LCN8: variants seen among roughly 807,000 people sequenced by gnomAD.
LCN8 encodes the protein lipocalin 8.
A neutral mutation model predicts 22.8 loss-of-function variants in LCN8; 16 were observed. That is an observed-to-expected ratio of 0.70 (90% CI 0.47 to 1.06). The LOEUF is 1.06. Ranked by LOEUF, LCN8 falls within the 50% of genes least tolerant of loss-of-function variation. The pLI, the probability that LCN8 is intolerant of heterozygous loss-of-function variation, is 0.00. For missense variants in LCN8, 189 were observed against 203.3 expected, an observed-to-expected ratio of 0.93 and a Z score of 0.43; for synonymous variants, 92 against 83.4, an observed-to-expected ratio of 1.10 and a Z score of -0.56.
Position 136,755,145 on chromosome 9 carries a change from A to T in LCN8, c.437T>A (p.Leu146His). Residue 146 changes from leucine to histidine, a missense_variant, in exon 6 of 7, where the codon CTC becomes CAC. Leu to His is a moderately conservative substitution (Grantham distance 99, BLOSUM62 -3). Coordinates refer to ENST00000371688, the MANE Select transcript of LCN8 (RefSeq NM_178469.4). ...LAARPGRCAE[L>H]LKEELI ...GGGGGTCAGGCTCACCTCCTTCAGG[A>T]GCTCGGCACACCGCCCTGCAGGATA... 1 of 1,586,764 alleles carries T rather than the reference A, an allele frequency of 6.3e-7. No individual in the cohort carries two copies. The highest frequency in any genetic ancestry group is 1.1e-5 in the South Asian group (1 of 87,878).
In LCN8 at chr9:136,756,688, C is replaced by A. The variant is rs779718128; in HGVS notation, c.156-96G>T. 21 of 1,540,090 alleles carry A rather than the reference C, an allele frequency of 1.4e-5. No homozygotes were observed. In the East Asian group the frequency reaches 4.8e-4, roughly 35 times the overall value. ...TGGGGCTGTGTCTTTAGGAAGGGCACAGGCAGCACTGTGGAGTATCCCAGG... is the reference window on the plus strand; with the variant it reads ...TGGGGCTGTGTCTTTAGGAAGGGCAAAGGCAGCACTGTGGAGTATCCCAGG... On this transcript the variant is annotated intron_variant, in intron 2 of 6. Coordinates refer to ENST00000371688, the MANE Select transcript of LCN8 (RefSeq NM_178469.4).
chr9:136,756,726 T>A, intron 2 of LCN8, 134 bp from the exon 3 acceptor site: 3 of 1,382,354 alleles, frequency 2.2e-6, no homozygotes, highest in East Asian at 4.7e-5. Context: ...TGGAGCAGGA[T>A]GAGGCGGGGA....
chr9:136,755,232 C>A lies in LCN8; in HGVS notation c.421+12G>T, dbSNP rs766253696. The A allele has an allele frequency of 8.1e-6, 13 of 1,612,564 alleles. No homozygotes were observed. The highest frequency in any genetic ancestry group is 2.7e-5 in the African/African-American group (2 of 74,948). Reference sequence around the variant, plus strand: ...CCCAGCCCAGCCTCCACCCCAAGGCCCCTGGGCTCACCAGGCCGGGCCGCC... The same window carrying A: ...CCCAGCCCAGCCTCCACCCCAAGGCACCTGGGCTCACCAGGCCGGGCCGCC... On this transcript the variant is annotated intron_variant, in intron 5 of 6. Coordinates refer to ENST00000371688, the MANE Select transcript of LCN8 (RefSeq NM_178469.4).
chr9:136,755,846 G>A, intron 3 of LCN8: 2 of 1,350,510 alleles, frequency 1.5e-6, no homozygotes, highest in Non-Finnish European at 1.9e-6. Flanking sequence ...AATGCATGGG[G>A]AACGGCACAG....
Position 136,757,099 on chromosome 9 carries a change from C to A in LCN8, c.94G>T (p.Val32Leu), listed in dbSNP as rs745380544. 2 of 1,613,616 alleles carry A rather than the reference C, an allele frequency of 1.2e-6. No individual in the cohort carries two copies. Among genetic ancestry groups the A allele is most frequent in the African/African-American group, 1.3e-5 (1 of 75,044 alleles). Residue 32 changes from valine to leucine, a missense_variant, in exon 2 of 7, where the codon GTG becomes TTG. Physicochemically the swap from Val to Leu is conservative, Grantham distance 32. Transcript: ENST00000371688. ...CTCAAGGTGAGGAACAAGCCCTCCA[C>A]CCGCTTCGGGGCCGTCAGCACCAGG... ...QSLVLTAPKR[V>L]EGLFLTLSGS...
chr9:136,758,303 G>A (rs1037443993), upstream of LCN8: 13 of 1,174,738 alleles, frequency 1.1e-5, no homozygotes, highest in African/African-American at 7.7e-5. Context: ...CCTGGGGCTC[G>A]GTGACCCCCA....
intron 1 of LCN8, 91 bp downstream of exon 1, chr9:136,757,816 C>G (rs568621235): frequency 6.2e-7 from 1 of 1,609,208 alleles, no homozygotes; most frequent in Non-Finnish European, 8.5e-7. Flanking sequence ...AGCGTCCCCA[C>G]GAGCTCCCCA....
intron 1 of LCN8, chr9:136,757,557 G>A: frequency 7.3e-7 from 1 of 1,378,164 alleles, no homozygotes; most frequent in South Asian, 1.6e-5. Context: ...CCAGAGAACA[G>A]GTGGCTCGGG....
In LCN8 at chr9:136,756,527, A is replaced by C; in HGVS notation, c.221T>G (p.Phe74Cys). The C allele has an allele frequency of 6.2e-7, 1 of 1,614,140 alleles. No individual in the cohort carries two copies. The highest frequency in any genetic ancestry group is 8.5e-7 in the Non-Finnish European group (1 of 1,180,014). The change falls in exon 3 of 7, where the codon TTT becomes TGT. Residue 74 changes from phenylalanine (F) to cysteine (C), a missense_variant. By Grantham distance (205) the Phe-to-Cys change is radical. Transcript: ENST00000371688. ...CACAGGGCAACTGCACTTACCAGGA[A>C]AAGCGAATTTTCCCGTACTGTCTAT... Reference protein sequence around the residue: ...SEIDSTGKFAFPGHREIHVLD... With the variant: ...SEIDSTGKFACPGHREIHVLD...
In LCN8 at chr9:136,755,477, C is replaced by A; in HGVS notation, c.266G>T (p.Gly89Val). 1 of 1,613,154 alleles carries A rather than the reference C, an allele frequency of 6.2e-7. No homozygotes were observed. The highest frequency in any genetic ancestry group is 1.1e-5 in the South Asian group (1 of 91,060). The change falls in exon 4 of 7, where the codon GGC (glycine) becomes GTC (valine). Residue 89 changes from glycine to valine, a missense_variant. Physicochemically the swap from Gly to Val is moderately radical, Grantham distance 109. Coordinates refer to ENST00000371688, the MANE Select transcript of LCN8 (RefSeq NM_178469.4). ...EIHVLDTDYE[G>V]YAILRVSLMW... Reference sequence around the variant, plus strand: ...CAGGGACACCCGCAGGATGGCGTAGCCCTCGTAGTCGGTGTCCAGCACGTG... The same window carrying A: ...CAGGGACACCCGCAGGATGGCGTAGACCTCGTAGTCGGTGTCCAGCACGTG...
upstream of LCN8, chr9:136,758,389 C>G (rs185223766): frequency 9.9e-7 from 1 of 1,009,440 alleles, no homozygotes; most frequent in Admixed American, 5.2e-5. Flanking sequence ...GGGCAACGGA[C>G]CAGAGCCTCC....
chr9:136,758,411 G>A, upstream of LCN8: 1 of 999,488 alleles, frequency 1.0e-6, no homozygotes, highest in Non-Finnish European at 1.2e-6. Context: ...GCACTTTCCT[G>A]TGCCACCCCA....
At chr9:136,757,212 G>A (rs1248174354) in intron 1 of LCN8, 44 bp from the exon 2 acceptor site, 2 of 1,595,600 alleles carry the variant, frequency 1.3e-6, no homozygotes, top group Admixed American at 3.5e-5. Flanking sequence ...CAGTGGGTCT[G>A]AGACCCCCAG....
At chr9:136,754,919 G>T in intron 6 of LCN8, 2 of 1,378,698 alleles carry the variant, frequency 1.5e-6, no homozygotes, top group Non-Finnish European at 1.9e-6. Flanking sequence ...GCAGCCTAGG[G>T]TCACCACCCT....
At chr9:136,758,413 G>A (rs1488091946), upstream of LCN8, 20 of 997,306 alleles carry the variant, frequency 2.0e-5, no homozygotes, top group Non-Finnish European at 2.4e-5. Context: ...ACTTTCCTGT[G>A]CCACCCCACG....
chr9:136,756,731 C>T (rs1260692220), intron 2 of LCN8, 139 bp from the exon 3 acceptor site: 27 of 1,347,350 alleles, frequency 2.0e-5, no homozygotes, highest in African/African-American at 2.9e-5. Flanking sequence ...CAGGATGAGG[C>T]GGGGAATGTG....
intron 1 of LCN8, chr9:136,757,407 C>T: frequency 2.8e-6 from 4 of 1,414,694 alleles, no homozygotes; most frequent in Non-Finnish European, 3.7e-6. Context: ...CCCCACTGGG[C>T]CATCTAGAGC....
Position 136,757,183 on chromosome 9 carries a change from A to G in LCN8, c.25-15T>C, listed in dbSNP as rs1588309405. ...AATCCTCCAATCTAGAGAGATACGG[A>G]GCCTGGCCAAGAGCTGAGCAGTGGG... On this transcript the variant is annotated splice_polypyrimidine_tract_variant and intron_variant, in intron 1 of 6. Transcript: ENST00000371688. The G allele has an allele frequency of 6.2e-7, 1 of 1,608,588 alleles. No homozygotes were observed. Among genetic ancestry groups the G allele is most frequent in the East Asian group, 2.2e-5 (1 of 44,634 alleles).
In LCN8 at chr9:136,755,180, G is replaced by A. The variant is rs1297956304; in HGVS notation, c.422-20C>T. 2 of 1,604,962 alleles carry A rather than the reference G, an allele frequency of 1.2e-6. No individual in the cohort carries two copies. The highest frequency in any genetic ancestry group is 1.3e-5 in the African/African-American group (1 of 74,758). On this transcript the variant is annotated intron_variant, in intron 5 of 6. Coordinates refer to ENST00000371688, the MANE Select transcript of LCN8 (RefSeq NM_178469.4). ...ACCGCCCTGCAGGATAGGCCAGCAT[G>A]AGGAGCTGCAGAGTCAGCCCACAGG...
Sources: gnomAD v4.1 joint callset for allele counts on GRCh38, gnomAD v4.1.1 for gene constraint, MANE v1.5 for transcripts, NCBI Gene and HGNC (gene_info 2026-07-23, HGNC 2026-07-21) for gene names.